CAMTA1: variants seen among roughly 807,000 people sequenced by gnomAD.
CAMTA1 encodes the protein calmodulin binding transcription activator 1.
In CAMTA1, 27 loss-of-function variants were observed where a neutral mutation model predicts 170.9. The observed-to-expected ratio is 0.16, with a 90% CI of 0.12 to 0.22. The LOEUF is 0.22. CAMTA1 is among the 10% of genes least tolerant of loss of function. The pLI is 1.00. For missense variants in CAMTA1, 1,619 were observed against 2,217.2 expected, an observed-to-expected ratio of 0.73 and a Z score of 5.42; for synonymous variants, 833 against 891.5, an observed-to-expected ratio of 0.93 and a Z score of 1.17.
At chr1:7,243,728 T>C (rs1665288372) in intron 4 of CAMTA1, among the ~76,000 whole-genome samples, 1 of 152,222 alleles carries the variant, frequency 6.6e-6, no homozygotes, top group South Asian at 2.1e-4. Context: ...TTTGGTTCCA[T>C]ATGAACTTTA....
Position 6,794,457 on chromosome 1 carries a change from T to C in CAMTA1, c.45+8882T>C, listed in dbSNP as rs116653209. Among the ~76,000 whole-genome samples the C allele has an allele frequency of 4.7e-4, 72 of 152,344 alleles. 1 individual carries two copies. The highest frequency in any genetic ancestry group is 1.7e-3 in the African/African-American group (69 of 41,584). ...GTTTGCATTTTAACTTAATAAGATCTTCTTTTTAAAATGTTTATTGGCAAA... is the reference window on the plus strand; with the variant it reads ...GTTTGCATTTTAACTTAATAAGATCCTCTTTTTAAAATGTTTATTGGCAAA... On this transcript the variant is annotated intron_variant, in intron 1 of 22. Transcript: ENST00000303635.
In CAMTA1 at chr1:7,751,294, G is replaced by A. The variant is rs1171290212; in HGVS notation, c.4785G>A (p.Arg1595=). The part of the protein sequence containing the change: ...YEQKKFQQSR[R]AAVLIQKYYR... ...AAAAAAAATTCCAGCAGAGCCGACG[G>A]GCTGCTGTGCTCATCCAAAAGTACT... The change falls in exon 20 of 23, where the codon CGG becomes CGA. Residue 1595 remains arginine, a synonymous_variant. Transcript: ENST00000303635. 1.2e-6 allele frequency: 2 copies of A among 1,612,944 alleles called. No homozygotes were observed. The highest frequency in any genetic ancestry group is 2.7e-5 in the African/African-American group (2 of 74,836).
chr1:6,916,370 G>A (rs969501142), intron 3 of CAMTA1, among the ~76,000 whole-genome samples: 6 of 152,114 alleles, frequency 3.9e-5, no homozygotes, highest in East Asian at 3.9e-4. Context: ...AGGAGCCGCC[G>A]GCCGAGTTCC....
At chr1:7,229,036 C>T (rs1241476513) in intron 4 of CAMTA1, among the ~76,000 whole-genome samples, 2 of 152,096 alleles carry the variant, frequency 1.3e-5, no homozygotes, top group East Asian at 3.9e-4. Flanking sequence ...TGCGTCAGGA[C>T]AGGCATCTCC....
At chr1:7,132,182 C>T (rs75227330) in intron 4 of CAMTA1, among the ~76,000 whole-genome samples, 5,029 of 152,266 alleles carry the variant, frequency 0.033, 234 homozygotes, top group African/African-American at 0.11. Context: ...TCAATTTCTG[C>T]AACAAGCCTG....
At chr1:7,018,328 A>T (rs916814591) in intron 3 of CAMTA1, among the ~76,000 whole-genome samples, 1 of 152,138 alleles carries the variant, frequency 6.6e-6, no homozygotes, top group African/African-American at 2.4e-5. Context: ...GAAGACACAG[A>T]TAGTGAGGGA....
At chr1:7,418,396 G>T (rs148521729) in intron 5 of CAMTA1, among the ~76,000 whole-genome samples, 2 of 152,032 alleles carry the variant, frequency 1.3e-5, no homozygotes, top group African/African-American at 4.8e-5. Context: ...ACAGGATTTC[G>T]CCATGTTGCC....
intron 1 of CAMTA1, among the ~76,000 whole-genome samples, chr1:6,790,988 G>T (rs1225930897): frequency 6.6e-6 from 1 of 152,104 alleles, no homozygotes; most frequent in Non-Finnish European, 1.5e-5. Context: ...ATGTGGTTTG[G>T]CAGTATGAGT....
intron 5 of CAMTA1, among the ~76,000 whole-genome samples, chr1:7,367,361 C>T (rs2086054257): frequency 6.6e-6 from 1 of 152,260 alleles, no homozygotes; most frequent in African/African-American, 2.4e-5. Flanking sequence ...CAGCCCTGCT[C>T]ACTCCACATC....
intron 3 of CAMTA1, among the ~76,000 whole-genome samples, chr1:7,036,991 ACTT>A (rs1376045783): frequency 6.6e-6 from 1 of 152,226 alleles, no homozygotes; most frequent in African/African-American, 2.4e-5. Context: ...CTATAGGAAG[ACTT>A]CTTCATCGGT....
chr1:6,864,076 A>T (rs1339765619), intron 3 of CAMTA1, among the ~76,000 whole-genome samples: 2 of 152,198 alleles, frequency 1.3e-5, no homozygotes. Flanking sequence ...ATCACATCAT[A>T]TCAAGGGTAC....
intron 3 of CAMTA1, among the ~76,000 whole-genome samples, chr1:6,856,330 G>GC (rs1662367604): frequency 7.3e-6 from 1 of 137,830 alleles, no homozygotes; most frequent in Admixed American, 7.2e-5. Flanking sequence ...TCCCCCTGCC[G>GC]CTTTTTTTTT....
intron 4 of CAMTA1, among the ~76,000 whole-genome samples, chr1:7,103,499 CAG>C (rs766186249): frequency 3.4e-5 from 5 of 148,930 alleles, no homozygotes; most frequent in South Asian, 2.1e-4. Flanking sequence ...ACACACAACA[CAG>C]ATACACACTA....
intron 3 of CAMTA1, among the ~76,000 whole-genome samples, chr1:6,912,327 T>C (rs1186159706): frequency 6.6e-6 from 1 of 152,190 alleles, no homozygotes; most frequent in Non-Finnish European, 1.5e-5. Context: ...TAAGCAGCAG[T>C]AGCATCCCCC....
At chr1:6,997,910 T>C (rs1479413023) in intron 3 of CAMTA1, among the ~76,000 whole-genome samples, 3 of 151,470 alleles carry the variant, frequency 2.0e-5, no homozygotes, top group Non-Finnish European at 4.4e-5. Flanking sequence ...CCGCCCTCCT[T>C]GGCCTCCCAG....
chr1:7,499,538 TGTGC>T (rs2093935848), intron 6 of CAMTA1, among the ~76,000 whole-genome samples: 1 of 125,012 alleles, frequency 8.0e-6, no homozygotes, highest in African/African-American at 3.3e-5. Context: ...AGTGTGTGTG[TGTGC>T]ATGTGTGTCC....
intron 6 of CAMTA1, among the ~76,000 whole-genome samples, chr1:7,523,194 T>C (rs2149988467): frequency 1.3e-5 from 2 of 152,288 alleles, no homozygotes; most frequent in South Asian, 4.1e-4. Context: ...TATGACTGTC[T>C]CTCCTCTGAC....
intron 3 of CAMTA1, among the ~76,000 whole-genome samples, chr1:6,899,047 C>T (rs994380465): frequency 6.6e-6 from 1 of 152,156 alleles, no homozygotes; most frequent in Non-Finnish European, 1.5e-5. Context: ...GTGAGGTCAT[C>T]GGTACCGTGG....
intron 6 of CAMTA1, among the ~76,000 whole-genome samples, chr1:7,584,902 C>T (rs187369340): frequency 3.6e-4 from 55 of 152,238 alleles, no homozygotes; most frequent in African/African-American, 1.3e-3. Context: ...TGGAGTTATC[C>T]GGCCTACGAC....
Sources: gnomAD v4.1 joint callset for allele counts (sites outside exome capture counted in the v4.1 genomes callset) on GRCh38, gnomAD v4.1.1 for gene constraint, MANE v1.5 for transcripts, NCBI Gene and HGNC (gene_info 2026-07-23, HGNC 2026-07-21) for gene names.